CFAP46: variants seen among roughly 807,000 people sequenced by gnomAD.
The protein encoded by CFAP46 is cilia- and flagella-associated protein 46.
A neutral mutation model predicts 325.7 loss-of-function variants in CFAP46; 245 were observed. The ratio of observed to expected loss-of-function variants is 0.75; its 90% CI spans 0.68 to 0.84. CFAP46 has a LOEUF of 0.84. CFAP46 is among the 40% of genes least tolerant of loss of function. The pLI, the probability that CFAP46 is intolerant of heterozygous loss-of-function variation, is 0.00. For missense variants in CFAP46, 3,346 were observed against 3,543.0 expected (o/e 0.94, Z 1.41); for synonymous variants, 1,523 against 1,495.9 (o/e 1.02, Z -0.42).
At chr10:132,935,612 C>A (rs1343115336) in intron 7 of CFAP46, among the ~76,000 whole-genome samples, 2 of 144,980 alleles carry the variant, frequency 1.4e-5, no homozygotes, top group Non-Finnish European at 3.0e-5. Flanking sequence ...TCCTCGCTCC[C>A]CTCGGCACCC....
At chr10:132,892,979 C>T (rs1458229547) in intron 24 of CFAP46, among the ~76,000 whole-genome samples, 2 of 152,130 alleles carry the variant, frequency 1.3e-5, no homozygotes, top group African/African-American at 2.4e-5. Flanking sequence ...AATAACTGGT[C>T]TCAGCCAGCA....
Position 132,874,197 on chromosome 10 carries a change from C to T in CFAP46, c.4363-1373G>A, listed in dbSNP as rs147195180. 1.3e-3 allele frequency among the ~76,000 whole-genome samples: 201 copies of T among 152,312 alleles called. 6 individuals are homozygous for T. In the East Asian group the frequency reaches 0.026, roughly 20 times the overall value. ...CACACATGAAAGGAAAATCAAACATCGTCCTCCTCACAAGCACAGATGCAC... is the reference window on the plus strand; with the variant it reads ...CACACATGAAAGGAAAATCAAACATTGTCCTCCTCACAAGCACAGATGCAC... On this transcript the variant is annotated intron_variant, in intron 31 of 57. Coordinates refer to ENST00000368586, the MANE Select transcript of CFAP46 (RefSeq NM_001200049.3).
intron 50 of CFAP46, among the ~76,000 whole-genome samples, chr10:132,820,853 G>A (rs371259621): frequency 4.6e-5 from 6 of 129,350 alleles, no homozygotes; most frequent in African/African-American, 5.9e-5. Flanking sequence ...CTGTGTGTGC[G>A]CTGATGTGTG....
At chr10:132,874,895 C>T (rs1327715135) in intron 31 of CFAP46, among the ~76,000 whole-genome samples, 2 of 152,130 alleles carry the variant, frequency 1.3e-5, no homozygotes, top group African/African-American at 2.4e-5. Flanking sequence ...TTCATTCAAC[C>T]TCATACCGGA....
At chr10:132,881,612 C>T (rs1003303646) in intron 27 of CFAP46, among the ~76,000 whole-genome samples, 12 of 125,166 alleles carry the variant, frequency 9.6e-5, no homozygotes, top group African/African-American at 3.1e-4. Context: ...GGTTAGCCTG[C>T]ACCGCACCCT....
intron 39 of CFAP46, among the ~76,000 whole-genome samples, chr10:132,855,638 T>C (rs1848630356): frequency 6.6e-6 from 1 of 152,234 alleles, no homozygotes; most frequent in African/African-American, 2.4e-5. Flanking sequence ...TGAATACTTG[T>C]TATGATTTCC....
At chr10:132,843,373 G>T (rs995524776) in intron 44 of CFAP46, among the ~76,000 whole-genome samples, 2 of 150,280 alleles carry the variant, frequency 1.3e-5, no homozygotes, top group African/African-American at 4.9e-5. Flanking sequence ...CTCTCAGTGG[G>T]CGTTCCCAAG....
rs757393491 is a variant in CFAP46, at chr10:132,846,234, G to T, written c.6268-7C>A. ...TCTCTGAGGCCGAGCAGCTCTGAAA[G>T]GGAGCAGGGGAGGTGTACCAGGGGC... On this transcript the variant is annotated splice_region_variant and splice_polypyrimidine_tract_variant and intron_variant, in intron 43 of 57. Transcript: ENST00000368586. The T allele has an allele frequency of 6.2e-7, 1 of 1,610,272 alleles. No individual in the cohort carries two copies.
rs906388380 is a variant in CFAP46 at position 132,849,663 on chromosome 10, C to T, written c.5952+581G>A. On this transcript the variant is annotated intron_variant, in intron 41 of 57. Coordinates refer to ENST00000368586, the MANE Select transcript of CFAP46 (RefSeq NM_001200049.3). ...TGCAGCCTTCTGGAGAAGGGTGGGC[C>T]CTGGGCTGAGAGTGAAGAAGGTCCC... Among the ~76,000 whole-genome samples the T allele has an allele frequency of 4.6e-5, 7 of 152,160 alleles. No individual in the cohort carries two copies. In the South Asian group the frequency reaches 1.2e-3, roughly 27 times the overall value.
intron 39 of CFAP46, among the ~76,000 whole-genome samples, chr10:132,854,863 T>C (rs746018236): frequency 2.0e-5 from 3 of 152,218 alleles, no homozygotes; most frequent in African/African-American, 4.8e-5. Context: ...TGTTTCTGAT[T>C]TCTAATTTAG....
At chr10:132,941,837 C>CA in intron 2 of CFAP46, 115 bp from the exon 3 acceptor site, 1 of 1,535,136 alleles carries the variant, frequency 6.5e-7, no homozygotes, top group Non-Finnish European at 8.8e-7. Flanking sequence ...AGCCTGTTTC[C>CA]AGCCCCATCC....
chr10:132,826,406 C>G, intron 50 of CFAP46, among the ~76,000 whole-genome samples: 1 of 138,056 alleles, frequency 7.2e-6, no homozygotes, highest in South Asian at 2.4e-4. Context: ...AGCCATGGAG[C>G]CAGGCAGGAG....
intron 39 of CFAP46, among the ~76,000 whole-genome samples, chr10:132,851,579 G>A (rs1242038929): frequency 6.6e-6 from 1 of 152,136 alleles, no homozygotes; most frequent in Non-Finnish European, 1.5e-5. Flanking sequence ...GCATTCCTTG[G>A]CATTTTCCAG....
At chr10:132,815,901 T>A (rs1386734729) in intron 50 of CFAP46, among the ~76,000 whole-genome samples, 1 of 152,164 alleles carries the variant, frequency 6.6e-6, no homozygotes, top group Non-Finnish European at 1.5e-5. Context: ...TAGGGAAGGA[T>A]GGGAGGAGCT....
rs1419747569 is a variant in CFAP46 at position 132,827,034 on chromosome 10, C to T, written c.7117+6324G>A. On this transcript the variant is annotated intron_variant, in intron 50 of 57. Coordinates refer to ENST00000368586, the MANE Select transcript of CFAP46 (RefSeq NM_001200049.3). This position sits in a 1 kb window ranked among gnomAD's most constrained non-coding sequence, Gnocchi z 5.7. ...CCATGGTGCACTTCACTATCAAAAACGGTTTCCGACACCTCCATGAGCCTC... is the reference window on the plus strand; with the variant it reads ...CCATGGTGCACTTCACTATCAAAAATGGTTTCCGACACCTCCATGAGCCTC... Among the ~76,000 whole-genome samples, 3 of 152,138 alleles carry T rather than the reference C, an allele frequency of 2.0e-5. No homozygotes were observed. Among genetic ancestry groups the T allele is most frequent in the East Asian group, 1.9e-4 (1 of 5,182 alleles).
At chr10:132,899,300 C>T (rs954330278) in intron 23 of CFAP46, among the ~76,000 whole-genome samples, 179 bp from the exon 24 acceptor site, 9 of 152,146 alleles carry the variant, frequency 5.9e-5, no homozygotes. Flanking sequence ...CTGGGCAGCA[C>T]GAGGTCAGAC....
chr10:132,810,919 C>A, intron 56 of CFAP46, 31 bp downstream of exon 56: 1 of 1,556,562 alleles, frequency 6.4e-7, no homozygotes, highest in African/African-American at 1.4e-5. Context: ...TCCTCAGCAT[C>A]CCTGCCCACC....
chr10:132,836,221 G>C lies in CFAP46; in HGVS notation c.6537-3C>G, dbSNP rs547546523. ...AGGCAGCGCCGTACAGACGGGACCT[G>C]CTGGCAGGACGTGGGCCAGGGTCGC... On this transcript the variant is annotated splice_polypyrimidine_tract_variant and splice_region_variant and intron_variant, in intron 45 of 57. Transcript: ENST00000368586. 1 of 1,611,300 alleles carries C rather than the reference G, an allele frequency of 6.2e-7. No homozygotes were observed. Among genetic ancestry groups the C allele is most frequent in the South Asian group, 1.1e-5 (1 of 90,996 alleles).
chr10:132,885,585 G>A (rs1696594553), intron 26 of CFAP46, among the ~76,000 whole-genome samples: 1 of 151,590 alleles, frequency 6.6e-6, no homozygotes, highest in South Asian at 2.1e-4. Context: ...CGTGGAGCAG[G>A]GGAGCACACT....
Sources: allele counts gnomAD v4.1 joint callset (sites outside exome capture counted in the v4.1 genomes callset), GRCh38; gene constraint gnomAD v4.1.1; non-coding constraint Gnocchi (gnomAD v3.1); transcripts MANE v1.5; gene names NCBI Gene and HGNC (gene_info 2026-07-23, HGNC 2026-07-21).